The following MYO6 variants were observed in gnomAD, a reference collection of about 807,000 sequenced individuals.
MYO6 encodes myosin VI.
In MYO6, 74 loss-of-function variants were observed where a neutral mutation model predicts 178.7. The ratio of observed to expected loss-of-function variants is 0.41; its 90% CI spans 0.34 to 0.50. The LOEUF (loss-of-function observed/expected upper bound fraction) is 0.50, where lower values mean the gene tolerates loss of function less well. Ranked by LOEUF, MYO6 falls within the 20% of genes least tolerant of loss-of-function variation. The pLI is 0.09. For synonymous variants in MYO6, 477 were observed against 504.6 expected, an observed-to-expected ratio of 0.95 and a Z score of 0.73; for missense variants, 1,330 against 1,547.4, an observed-to-expected ratio of 0.86 and a Z score of 2.36.
chr6:75,883,075 T>C (rs1203388373), intron 23 of MYO6, among the ~76,000 whole-genome samples: 1 of 152,158 alleles, frequency 6.6e-6, no homozygotes, highest in Non-Finnish European at 1.5e-5. Flanking sequence ...AGTTTCAGTG[T>C]TTTTATATAC....
chr6:75,855,588 T>G (rs1355970988), intron 12 of MYO6, among the ~76,000 whole-genome samples: 2 of 152,212 alleles, frequency 1.3e-5, no homozygotes, highest in Non-Finnish European at 2.9e-5. Context: ...AAAGTAATTT[T>G]TTTATGCCAA....
chr6:75,873,334 A>T, intron 20 of MYO6, 34 bp downstream of exon 20: 1 of 1,457,758 alleles, frequency 6.9e-7, no homozygotes, highest in Non-Finnish European at 9.6e-7. Flanking sequence ...GTGTGTTAGT[A>T]GTCATAGCTC....
intron 20 of MYO6, among the ~76,000 whole-genome samples, chr6:75,876,210 T>G (rs748396045): frequency 1.3e-5 from 2 of 152,224 alleles, no homozygotes; most frequent in Non-Finnish European, 2.9e-5. Flanking sequence ...TTTGGGGTGC[T>G]GAGCTCAAGT....
In MYO6 at chr6:75,894,847, ATTGT is replaced by A. The variant is rs1395528080; in HGVS notation, c.3108-381_3108-378del. ...CCTATCCGGTAACTTCTAAGTAAGA[ATTGT>A]TTTCTATGTATGTCATATGTTCTGA... On this transcript the variant is annotated intron_variant, in intron 28 of 34. Transcript: ENST00000369977. 7.4e-6 allele frequency: 11 copies of A among 1,490,022 alleles called. No individual in the cohort carries two copies. The South Asian group carries it at 1.3e-4, about 17-fold the overall frequency. The allele number at this position is 1,490,022 out of a possible 1,614,324, so 92.3% of individuals were successfully genotyped here. A position where few individuals can be genotyped will look rare whatever the true frequency, so the allele number is the denominator to read the frequency against.
chr6:75,851,534 G>A (rs977128473), intron 11 of MYO6, among the ~76,000 whole-genome samples: 6 of 152,020 alleles, frequency 3.9e-5, no homozygotes, highest in Non-Finnish European at 2.9e-5. Context: ...AGGATATGGT[G>A]GTTCTTGCGT....
chr6:75,760,148 G>A (rs1413304767), intron 1 of MYO6, among the ~76,000 whole-genome samples: 6 of 152,144 alleles, frequency 3.9e-5, no homozygotes, highest in Admixed American at 2.0e-4. Context: ...ATAGTTGTTC[G>A]TCCTTCCCAA....
chr6:75,868,923 A>C (rs530215610), intron 18 of MYO6, among the ~76,000 whole-genome samples: 2 of 152,130 alleles, frequency 1.3e-5, no homozygotes, highest in Non-Finnish European at 2.9e-5. Context: ...TTTTCAAATA[A>C]AAATACAAAT....
At chr6:75,836,454 C>T (rs1490953244) in intron 7 of MYO6, among the ~76,000 whole-genome samples, 7 of 152,132 alleles carry the variant, frequency 4.6e-5, no homozygotes, top group Admixed American at 2.6e-4. Flanking sequence ...CCTAGACTAC[C>T]ATTATGTTGA....
chr6:75,914,637 A>T (rs988668207), intron 34 of MYO6, among the ~76,000 whole-genome samples, 176 bp from the exon 35 acceptor site: 3 of 152,154 alleles, frequency 2.0e-5, no homozygotes, highest in Non-Finnish European at 4.4e-5. Context: ...AGGGTCCTTG[A>T]TGGGGGACAA....
intron 4 of MYO6, among the ~76,000 whole-genome samples, chr6:75,828,865 C>G (rs549586373): frequency 6.6e-6 from 1 of 151,998 alleles, no homozygotes; most frequent in Non-Finnish European, 1.5e-5. Flanking sequence ...TTCAGAGTGT[C>G]GTTTAATATC....
chr6:75,850,337 G>A (rs771510696), intron 11 of MYO6, among the ~76,000 whole-genome samples: 5 of 152,136 alleles, frequency 3.3e-5, no homozygotes, highest in Non-Finnish European at 4.4e-5. Flanking sequence ...CATAAACATC[G>A]TAATTGTAAT....
chr6:75,902,699 G>A (rs1180495013), intron 30 of MYO6, among the ~76,000 whole-genome samples: 7 of 151,470 alleles, frequency 4.6e-5, no homozygotes, highest in Non-Finnish European at 1.0e-4. Flanking sequence ...TTAATTTTTT[G>A]AAGGGTTTTT....
At chr6:75,808,256 C>A (rs182727973) in intron 1 of MYO6, among the ~76,000 whole-genome samples, 5 of 152,122 alleles carry the variant, frequency 3.3e-5, no homozygotes, top group Admixed American at 2.6e-4. Context: ...GGATATCTGA[C>A]GTCAGTGTGT....
At chr6:75,810,083 C>CAAAAA (rs60265510) in intron 1 of MYO6, among the ~76,000 whole-genome samples, 1 of 76,994 alleles carries the variant, frequency 1.3e-5, no homozygotes, top group Non-Finnish European at 3.0e-5. Context: ...GACTCTGTCT[C>CAAAAA]AAAAAAAAAA....
chr6:75,840,735 G>T (rs1004094112), intron 8 of MYO6, 53 bp downstream of exon 8: 1 of 1,326,450 alleles, frequency 7.5e-7, no homozygotes, highest in Admixed American at 1.8e-5. Context: ...TTGTGAAAAT[G>T]CAAGGGTCAG....
chr6:75,839,311 C>G (rs538174399), intron 7 of MYO6, among the ~76,000 whole-genome samples: 1 of 152,202 alleles, frequency 6.6e-6, no homozygotes, highest in South Asian at 2.1e-4. Flanking sequence ...GCCTCAGCCT[C>G]CCATGTAGCT....
chr6:75,788,777 G>A (rs577349162), intron 1 of MYO6, among the ~76,000 whole-genome samples: 8 of 152,262 alleles, frequency 5.3e-5, no homozygotes, highest in South Asian at 2.1e-4. Context: ...GAGCTAAAGC[G>A]TAGAGATGGG....
intron 15 of MYO6, among the ~76,000 whole-genome samples, chr6:75,861,875 G>A (rs1015047656): frequency 2.0e-5 from 3 of 152,104 alleles, no homozygotes; most frequent in Non-Finnish European, 2.9e-5. Flanking sequence ...TGTGTGGTTT[G>A]ATATGGCTGG....
chr6:75,839,065 G>A (rs1438423277), intron 7 of MYO6, among the ~76,000 whole-genome samples: 6 of 151,896 alleles, frequency 4.0e-5, no homozygotes. Flanking sequence ...GAAATGGCTG[G>A]GGAATGATCT....
Sources: gnomAD v4.1 joint callset for allele counts (sites outside exome capture counted in the v4.1 genomes callset) on GRCh38, gnomAD v4.1.1 for gene constraint, MANE v1.5 for transcripts, NCBI Gene and HGNC (gene_info 2026-07-23, HGNC 2026-07-21) for gene names.